The following XKR4 variants were observed in gnomAD, a reference collection of about 807,000 sequenced individuals.
XKR4 encodes XK related 4.
Under a neutral mutation model 53.9 loss-of-function variants are expected in XKR4, and 12 were observed. The ratio of observed to expected loss-of-function variants is 0.22; its 90% CI spans 0.14 to 0.36. The LOEUF (loss-of-function observed/expected upper bound fraction) is 0.36. Ranked by LOEUF, XKR4 falls within the 10% of genes least tolerant of loss-of-function variation. The pLI, the probability that XKR4 is intolerant of heterozygous loss-of-function variation, is 1.00. For synonymous variants in XKR4, 354 were observed against 362.4 expected (o/e 0.98, Z 0.26); for missense variants, 799 against 859.5 (o/e 0.93, Z 0.88).
intron 1 of XKR4, among the ~76,000 whole-genome samples, chr8:55,173,758 A>G (rs1245390025): frequency 1.3e-5 from 2 of 152,214 alleles, no homozygotes; most frequent in Non-Finnish European, 2.9e-5. Context: ...GCTGTCCTAC[A>G]CTGCATTTCT....
chr8:55,418,398 T>A (rs977750746), intron 2 of XKR4, among the ~76,000 whole-genome samples: 4 of 152,220 alleles, frequency 2.6e-5, no homozygotes, highest in Admixed American at 6.5e-5. Context: ...TTTCTGCTAT[T>A]CTAGATTTCT....
intron 1 of XKR4, among the ~76,000 whole-genome samples, chr8:55,126,333 C>G (rs1040175552): frequency 6.6e-6 from 1 of 152,186 alleles, no homozygotes; most frequent in Non-Finnish European, 1.5e-5. Context: ...TGTTGTCCTC[C>G]TTTGAGCAGC....
intron 2 of XKR4, among the ~76,000 whole-genome samples, chr8:55,405,405 T>C (rs1425103452): frequency 6.6e-6 from 1 of 152,220 alleles, no homozygotes; most frequent in African/African-American, 2.4e-5. Flanking sequence ...CTGCCTTTCA[T>C]TATTTGCTTT....
intron 1 of XKR4, among the ~76,000 whole-genome samples, chr8:55,110,888 A>C (rs1167466049): frequency 6.6e-6 from 1 of 152,174 alleles, no homozygotes; most frequent in Non-Finnish European, 1.5e-5. Context: ...ATCATCATAA[A>C]ACATCAATTC....
At chr8:55,223,437 A>G (rs1047293741) in intron 1 of XKR4, among the ~76,000 whole-genome samples, 2 of 152,170 alleles carry the variant, frequency 1.3e-5, no homozygotes, top group African/African-American at 4.8e-5. Context: ...TTCGTACCCT[A>G]CTCCAGTTTA....
intron 1 of XKR4, among the ~76,000 whole-genome samples, chr8:55,192,902 G>A (rs1455414162): frequency 6.6e-6 from 1 of 152,108 alleles, no homozygotes; most frequent in Non-Finnish European, 1.5e-5. Flanking sequence ...GTGTGGGAGT[G>A]GGAACTCCAC....
At chr8:55,201,103 ATAAT>A (rs1817572515) in intron 1 of XKR4, among the ~76,000 whole-genome samples, 1 of 152,230 alleles carries the variant, frequency 6.6e-6, no homozygotes, top group South Asian at 2.1e-4. Context: ...TCCAGCACAG[ATAAT>A]TAAACAAATG....
chr8:55,269,736 G>T (rs1217211843), intron 1 of XKR4, among the ~76,000 whole-genome samples: 1 of 152,298 alleles, frequency 6.6e-6, no homozygotes. Flanking sequence ...CTGCCCAAAA[G>T]CTCAGACTGA....
At chr8:55,268,043 A>C (rs1328309410) in intron 1 of XKR4, among the ~76,000 whole-genome samples, 1 of 152,186 alleles carries the variant, frequency 6.6e-6, no homozygotes, top group East Asian at 1.9e-4. Flanking sequence ...GAGGAGAAAA[A>C]GCTGTGCAGT....
intron 1 of XKR4, among the ~76,000 whole-genome samples, chr8:55,129,947 C>CT (rs1816531469): frequency 6.6e-6 from 1 of 152,066 alleles, no homozygotes; most frequent in Non-Finnish European, 1.5e-5. Context: ...TCAGGGATTG[C>CT]TGTCCATCTG....
chr8:55,493,087 G>T (rs947355048), intron 2 of XKR4, among the ~76,000 whole-genome samples: 3 of 151,760 alleles, frequency 2.0e-5, no homozygotes, highest in African/African-American at 7.3e-5. Flanking sequence ...GGGCCAAGTG[G>T]ATATAGTATT....
intron 2 of XKR4, among the ~76,000 whole-genome samples, chr8:55,461,934 C>T (rs888659196): frequency 2.6e-5 from 4 of 152,060 alleles, no homozygotes; most frequent in Non-Finnish European, 5.9e-5. Context: ...AAAAAGAATA[C>T]AAAGAAACAA....
chr8:55,205,061 A>G (rs555514894), intron 1 of XKR4, among the ~76,000 whole-genome samples: 1 of 152,332 alleles, frequency 6.6e-6, no homozygotes, highest in African/African-American at 2.4e-5. Context: ...GAGGCTTTCC[A>G]GAAGTGCTGT....
At chr8:55,410,814 C>A (rs1804765967) in intron 2 of XKR4, among the ~76,000 whole-genome samples, 1 of 152,188 alleles carries the variant, frequency 6.6e-6, no homozygotes, top group Non-Finnish European at 1.5e-5. Context: ...ATAAAATCCA[C>A]CCACCTTTGT....
intron 1 of XKR4, among the ~76,000 whole-genome samples, chr8:55,320,330 T>C (rs1477955647): frequency 6.6e-6 from 1 of 152,154 alleles, no homozygotes; most frequent in Non-Finnish European, 1.5e-5. Flanking sequence ...CCTGATAATA[T>C]GTAGGAGTTA....
rs997924168 is a variant in XKR4 at position 55,541,305 on chromosome 8, A to G, written c.*17078A>G. The G allele has an allele frequency of 2.0e-5, 3 of 152,156 alleles. No individual in the cohort carries two copies. Among genetic ancestry groups the G allele is most frequent in the Admixed American group, 6.5e-5 (1 of 15,268 alleles). The allele number at this position is 152,156 out of a possible 1,614,324, so 9.4% of individuals were successfully genotyped here. ...GTTTCTAAGGTTGGTTTTGGGTAAA[A>G]TCCTCATTTCCACTCAACATCAAGA... On this transcript the variant is annotated 3_prime_UTR_variant, in exon 3 of 3. Coordinates refer to ENST00000327381, the MANE Select transcript of XKR4 (RefSeq NM_052898.2).
chr8:55,274,464 G>A (rs546927973), intron 1 of XKR4, among the ~76,000 whole-genome samples: 19 of 148,942 alleles, frequency 1.3e-4, no homozygotes, highest in Non-Finnish European at 2.2e-4. Flanking sequence ...ACTGAGTCTC[G>A]CTCTGTCACC....
At chr8:55,238,098 T>C (rs1290171018) in intron 1 of XKR4, among the ~76,000 whole-genome samples, 2 of 152,156 alleles carry the variant, frequency 1.3e-5, no homozygotes, top group Non-Finnish European at 2.9e-5. Flanking sequence ...GAGAATTAAT[T>C]TGTAGGCAAA....
At chr8:55,519,962 T>C (rs1806776380) in intron 2 of XKR4, among the ~76,000 whole-genome samples, 1 of 152,218 alleles carries the variant, frequency 6.6e-6, no homozygotes, top group Non-Finnish European at 1.5e-5. Flanking sequence ...TTTCTGTAAG[T>C]TTGAAATTAT....
Sources: gnomAD v4.1 joint callset for allele counts (sites outside exome capture counted in the v4.1 genomes callset) on GRCh38, gnomAD v4.1.1 for gene constraint, MANE v1.5 for transcripts, NCBI Gene and HGNC (gene_info 2026-07-23, HGNC 2026-07-21) for gene names.